The following OR10J1 variants were observed in gnomAD, a reference collection of about 807,000 sequenced individuals.
The protein encoded by OR10J1 is olfactory receptor 10J1.
For missense variants in OR10J1, 474 were observed against 376.6 expected (o/e 1.26, Z -2.14); for synonymous variants, 202 against 143.8 (o/e 1.40, Z -2.89).
chr1:159,424,410 A>G, the OR10J1 span, among the ~76,000 whole-genome samples: 2 of 149,084 alleles, frequency 1.3e-5, no homozygotes, highest in Non-Finnish European at 1.5e-5. Context: ...ACATGAATAT[A>G]CATATATTCA....
chr1:159,419,141 G>A, the OR10J1 span, among the ~76,000 whole-genome samples: 1 of 152,184 alleles, frequency 6.6e-6, no homozygotes, highest in Non-Finnish European at 1.5e-5. Context: ...GTGGACTTTT[G>A]AGTTAATGCT....
At chr1:159,415,158 G>A in the OR10J1 span, among the ~76,000 whole-genome samples, 7 of 152,004 alleles carry the variant, frequency 4.6e-5, no homozygotes, top group Non-Finnish European at 1.0e-4. Flanking sequence ...TCAGTATTCT[G>A]AAGGGTTTTC....
At chr1:159,439,307 A>G (rs1479870239), upstream of OR10J1, among the ~76,000 whole-genome samples, 3 of 152,246 alleles carry the variant, frequency 2.0e-5, no homozygotes, top group Non-Finnish European at 4.4e-5. Flanking sequence ...CTAGTGAAAT[A>G]TGAAAAGATG....
chr1:159,418,917 C>A, the OR10J1 span, among the ~76,000 whole-genome samples: 7 of 152,180 alleles, frequency 4.6e-5, no homozygotes, highest in Admixed American at 4.6e-4. Flanking sequence ...CAAAGTAGAT[C>A]ATTTTGGAGC....
the OR10J1 span, among the ~76,000 whole-genome samples, chr1:159,427,878 A>C: frequency 6.6e-6 from 1 of 152,172 alleles, no homozygotes; most frequent in East Asian, 1.9e-4. Flanking sequence ...GTTAAAACGT[A>C]TGAATGAGCC....
the OR10J1 span, among the ~76,000 whole-genome samples, chr1:159,401,355 C>A: frequency 1.3e-5 from 2 of 151,646 alleles, no homozygotes; most frequent in East Asian, 1.9e-4. Context: ...AACCGTTAGC[C>A]AGACTAACAA....
At chr1:159,408,395 C>T in the OR10J1 span, among the ~76,000 whole-genome samples, 2 of 143,232 alleles carry the variant, frequency 1.4e-5, no homozygotes, top group East Asian at 2.1e-4. Context: ...TATTCTCACT[C>T]ATAGGTGGGA....
At chr1:159,412,267 G>C in the OR10J1 span, among the ~76,000 whole-genome samples, 26 of 151,428 alleles carry the variant, frequency 1.7e-4, no homozygotes, top group African/African-American at 5.6e-4. Context: ...ACTGCCCAAG[G>C]TAATTTACAG....
At chr1:159,403,824 C>A in the OR10J1 span, among the ~76,000 whole-genome samples, 10 of 152,208 alleles carry the variant, frequency 6.6e-5, no homozygotes, top group South Asian at 1.7e-3. Context: ...ATGTTTGTGG[C>A]AGCACTGTTT....
chr1:159,411,191 A>G, the OR10J1 span, among the ~76,000 whole-genome samples: 1 of 151,936 alleles, frequency 6.6e-6, no homozygotes, highest in African/African-American at 2.4e-5. Context: ...TGGGGTGGAG[A>G]GTTCTGTAGA....
chr1:159,421,206 A>G, the OR10J1 span, among the ~76,000 whole-genome samples: 142 of 152,056 alleles, frequency 9.3e-4, no homozygotes, highest in African/African-American at 3.1e-3. Context: ...TGTATTTTGT[A>G]TTTTATTTAA....
chr1:159,423,404 A>G, the OR10J1 span, among the ~76,000 whole-genome samples: 1 of 152,192 alleles, frequency 6.6e-6, no homozygotes. Context: ...GATTTCAAAG[A>G]TATTTGTATA....
chr1:159,401,251 G>T, the OR10J1 span, among the ~76,000 whole-genome samples: 2 of 151,556 alleles, frequency 1.3e-5, no homozygotes, highest in Admixed American at 6.6e-5. Flanking sequence ...AAATAATAAA[G>T]ATTAGAGCAG....
the OR10J1 span, among the ~76,000 whole-genome samples, chr1:159,420,110 G>T: frequency 6.6e-6 from 1 of 152,012 alleles, no homozygotes; most frequent in African/African-American, 2.4e-5. Context: ...TTGACTTAAA[G>T]TCTGTTTTGT....
chr1:159,437,310 A>G (rs2101705754), upstream of OR10J1, among the ~76,000 whole-genome samples: 2 of 152,308 alleles, frequency 1.3e-5, 1 homozygote, highest in South Asian at 4.1e-4. Context: ...TGCCCTCTGC[A>G]GAATGACGAC....
chr1:159,406,048 A>C, the OR10J1 span: 1 of 424,826 alleles, frequency 2.4e-6, no homozygotes, highest in East Asian at 5.1e-5. Flanking sequence ...TTGATGCCAA[A>C]AGTCACATAG....
chr1:159,399,965 G>A, the OR10J1 span, among the ~76,000 whole-genome samples: 1 of 151,866 alleles, frequency 6.6e-6, no homozygotes, highest in Non-Finnish European at 1.5e-5. Flanking sequence ...TTAAAATAAT[G>A]GATTATAAGA....
the OR10J1 span, among the ~76,000 whole-genome samples, chr1:159,406,993 T>G: frequency 6.6e-6 from 1 of 152,058 alleles, no homozygotes; most frequent in Non-Finnish European, 1.5e-5. Context: ...TTTTCGGAAA[T>G]AGAGGTCAAT....
At chr1:159,423,047 C>A in the OR10J1 span, among the ~76,000 whole-genome samples, 2 of 152,170 alleles carry the variant, frequency 1.3e-5, no homozygotes, top group African/African-American at 4.8e-5. Context: ...ATACCAGATG[C>A]ATCTAGTCAG....
Sources: gnomAD v4.1 joint callset for allele counts (sites outside exome capture counted in the v4.1 genomes callset) on GRCh38, gnomAD v4.1.1 for gene constraint, MANE v1.5 for transcripts, NCBI Gene and HGNC (gene_info 2026-07-23, HGNC 2026-07-21) for gene names.